The following NARS2 variants were observed in gnomAD, a reference collection of about 807,000 sequenced individuals.
The protein encoded by NARS2 is asparaginyl-tRNA synthetase.
In NARS2, 60 loss-of-function variants were observed where a neutral mutation model predicts 62.9. That is an observed-to-expected ratio of 0.95 (90% CI 0.77 to 1.18). NARS2 has a LOEUF of 1.18. NARS2 is among the 50% of genes most tolerant of loss of function. The probability of loss-of-function intolerance (pLI) is 0.00; values close to 1 mark genes in which losing one functional copy is unlikely to be tolerated. For synonymous variants in NARS2, 196 were observed against 200.0 expected (o/e 0.98, Z 0.17); for missense variants, 619 against 576.4 (o/e 1.07, Z -0.76).
intron 6 of NARS2, among the ~76,000 whole-genome samples, chr11:78,507,443 C>CTT: frequency 6.6e-6 from 1 of 151,938 alleles, no homozygotes; most frequent in South Asian, 2.1e-4. Flanking sequence ...AAACAGCAAG[C>CTT]CCTGGGGAAG....
At chr11:78,479,810 T>C (rs1030127915) in intron 7 of NARS2, among the ~76,000 whole-genome samples, 4 of 152,230 alleles carry the variant, frequency 2.6e-5, no homozygotes, top group African/African-American at 7.2e-5. Context: ...TAACTGTCTA[T>C]TGAAGTACAT....
At chr11:78,468,270 T>A (rs1364040278) in intron 10 of NARS2, among the ~76,000 whole-genome samples, 1 of 93,680 alleles carries the variant, frequency 1.1e-5, no homozygotes, top group Non-Finnish European at 2.0e-5. Context: ...TCCGTAAAGT[T>A]CAACTGAAAA....
chr11:78,505,398 T>C (rs1860454898), intron 6 of NARS2, among the ~76,000 whole-genome samples: 1 of 151,588 alleles, frequency 6.6e-6, no homozygotes, highest in Admixed American at 6.6e-5. Context: ...CTTTAAGATA[T>C]CCTAACAGAT....
At chr11:78,461,153 T>C (rs1414689093) in intron 11 of NARS2, among the ~76,000 whole-genome samples, 13 of 152,108 alleles carry the variant, frequency 8.5e-5, no homozygotes, top group Admixed American at 8.5e-4. Flanking sequence ...GGGACGAATG[T>C]ATATGAGTCT....
intron 11 of NARS2, among the ~76,000 whole-genome samples, chr11:78,464,817 TAC>T (rs1221350786): frequency 6.6e-6 from 1 of 151,928 alleles, no homozygotes; most frequent in African/African-American, 2.4e-5. Context: ...TTGAGCTAGA[TAC>T]AGAGTGCCGA....
intron 6 of NARS2, among the ~76,000 whole-genome samples, chr11:78,505,887 G>A (rs1220843191): frequency 6.6e-6 from 1 of 152,020 alleles, no homozygotes; most frequent in African/African-American, 2.4e-5. Flanking sequence ...GAAGCTTCTG[G>A]TCTTCAAAAA....
chr11:78,518,133 AT>A (rs1328500887), intron 6 of NARS2, among the ~76,000 whole-genome samples: 1 of 152,250 alleles, frequency 6.6e-6, no homozygotes, highest in Non-Finnish European at 1.5e-5. Flanking sequence ...ACAATAAAAA[AT>A]AATACAAATT....
chr11:78,567,658 C>T (rs1378246447), intron 3 of NARS2, among the ~76,000 whole-genome samples: 1 of 152,162 alleles, frequency 6.6e-6, no homozygotes, highest in Non-Finnish European at 1.5e-5. Flanking sequence ...TCTGATTTTA[C>T]ATCAATTAGA....
At chr11:78,539,455 G>C (rs1294530874) in intron 5 of NARS2, among the ~76,000 whole-genome samples, 3 of 152,086 alleles carry the variant, frequency 2.0e-5, no homozygotes, top group Admixed American at 1.3e-4. Context: ...AGAGGAAAAG[G>C]CTTTGGAGGA....
At chr11:78,556,222 A>G (rs766837045) in intron 5 of NARS2, among the ~76,000 whole-genome samples, 9 of 152,222 alleles carry the variant, frequency 5.9e-5, no homozygotes, top group Admixed American at 1.3e-4. Context: ...CCTAAGGTAC[A>G]GTCAGGTCAC....
chr11:78,506,756 G>C (rs375935114), intron 6 of NARS2, among the ~76,000 whole-genome samples: 1 of 152,090 alleles, frequency 6.6e-6, no homozygotes. Context: ...GGCTGGTCTC[G>C]AACTCCTGAC....
intron 4 of NARS2, among the ~76,000 whole-genome samples, chr11:78,563,844 A>AT (rs1565287271): frequency 1.1e-4 from 7 of 66,094 alleles, no homozygotes; most frequent in African/African-American, 3.7e-4. Context: ...AAAAAAAAAA[A>AT]AAAAAAAATA....
chr11:78,561,822 G>A (rs1259373549), intron 4 of NARS2, among the ~76,000 whole-genome samples: 4 of 152,176 alleles, frequency 2.6e-5, no homozygotes, highest in African/African-American at 9.7e-5. Flanking sequence ...CACTTTGGGA[G>A]GCTGAGGCGG....
chr11:78,475,580 C>CT (rs377023107), intron 9 of NARS2, among the ~76,000 whole-genome samples: 985 of 93,908 alleles, frequency 0.01, 90 homozygotes, highest in African/African-American at 0.015. Context: ...TATCATTTGA[C>CT]TTTTTTTTTT....
chr11:78,482,712 T>C (rs1234740372), intron 7 of NARS2, among the ~76,000 whole-genome samples: 2 of 152,148 alleles, frequency 1.3e-5, no homozygotes, highest in Non-Finnish European at 2.9e-5. Context: ...AATCCCTGAA[T>C]AGACCAATAA....
intron 7 of NARS2, among the ~76,000 whole-genome samples, chr11:78,482,108 G>A (rs1859379898): frequency 1.3e-5 from 2 of 151,850 alleles, no homozygotes; most frequent in African/African-American, 2.4e-5. Flanking sequence ...ATCCAAGCTG[G>A]GACACTTTTG....
At chr11:78,519,191 G>C (rs1198724827) in intron 6 of NARS2, among the ~76,000 whole-genome samples, 1 of 152,118 alleles carries the variant, frequency 6.6e-6, no homozygotes, top group Non-Finnish European at 1.5e-5. Context: ...ACAAAACAGG[G>C]TAAGAGCATC....
At chr11:78,480,914 G>T (rs1323448005) in intron 7 of NARS2, among the ~76,000 whole-genome samples, 1 of 151,916 alleles carries the variant, frequency 6.6e-6, no homozygotes, top group Non-Finnish European at 1.5e-5. Flanking sequence ...CATCTCCCAG[G>T]TTCAAGCAAT....
rs531579103 is a variant in NARS2, at chr11:78,566,151, G to C, written c.494C>G (p.Ala165Gly). Residue 165 changes from alanine to glycine, a missense_variant, in exon 4 of 14, where the codon GCT (alanine) becomes GGT (glycine). Coordinates refer to ENST00000281038, the MANE Select transcript of NARS2 (RefSeq NM_024678.6). ...ILRIRSEATA[A>G]IHSFFKDSGF... ...TCTTACCTTAAAGAAAGAATGAATA[G>C]CAGCTGTCGCTTCACTGCGAATCCT... 8.1e-6 allele frequency: 13 copies of C among 1,608,954 alleles called. No individual in the cohort carries two copies. Among genetic ancestry groups the C allele is most frequent in the South Asian group, 3.3e-5 (3 of 89,956 alleles).
Sources: allele counts gnomAD v4.1 joint callset (sites outside exome capture counted in the v4.1 genomes callset), GRCh38; gene constraint gnomAD v4.1.1; transcripts MANE v1.5; gene names NCBI Gene and HGNC (gene_info 2026-07-23, HGNC 2026-07-21).